Variants in PRICKLE2 observed in about 807,000 individuals in gnomAD.
The protein encoded by PRICKLE2 is prickle-like protein 2.
Under a neutral mutation model 81.4 loss-of-function variants are expected in PRICKLE2, and 21 were observed. The observed-to-expected ratio is 0.26, with a 90% CI of 0.18 to 0.37. The LOEUF (loss-of-function observed/expected upper bound fraction) is 0.37, where lower values mean the gene tolerates loss of function less well. Ranked by LOEUF, PRICKLE2 falls within the 10% of genes least tolerant of loss-of-function variation. The probability of loss-of-function intolerance (pLI) is 1.00; values close to 1 mark genes in which losing one functional copy is unlikely to be tolerated. For synonymous variants in PRICKLE2, 456 were observed against 421.5 expected, an observed-to-expected ratio of 1.08 and a Z score of -1.00; for missense variants, 940 against 1,109.0, an observed-to-expected ratio of 0.85 and a Z score of 2.16.
At position 64,096,629 on chromosome 3, in the gene PRICKLE2, C is replaced by G. The variant is rs1387485050; in HGVS notation, c.*2422G>C. ...CTTGTATGTCATTTCATCTCAAGCTCTGAGCAGTTCAGTGCCTGGATGCTC... is the reference window on the plus strand; with the variant it reads ...CTTGTATGTCATTTCATCTCAAGCTGTGAGCAGTTCAGTGCCTGGATGCTC... On this transcript the variant is annotated 3_prime_UTR_variant, in exon 8 of 8. Coordinates refer to ENST00000638394, the MANE Select transcript of PRICKLE2 (RefSeq NM_198859.4). 1.3e-5 allele frequency: 2 copies of G among 152,238 alleles called. No homozygotes were observed. The highest frequency in any genetic ancestry group is 2.9e-5 in the Non-Finnish European group (2 of 68,038). 9.4% of individuals were successfully genotyped at this position (152,238 alleles called of 1,614,324 possible).
At chr3:64,124,080 G>A (rs1408637296) in intron 7 of PRICKLE2, among the ~76,000 whole-genome samples, 1 of 152,156 alleles carries the variant, frequency 6.6e-6, no homozygotes, top group Non-Finnish European at 1.5e-5. Flanking sequence ...AATTTAAAGG[G>A]ATACTCCAAC....
At chr3:64,240,570 G>A (rs945895952) in intron 2 of PRICKLE2, among the ~76,000 whole-genome samples, 5 of 152,020 alleles carry the variant, frequency 3.3e-5, no homozygotes, top group African/African-American at 4.8e-5. Flanking sequence ...GGTCCCATGG[G>A]GCCTACAGAA....
intron 2 of PRICKLE2, among the ~76,000 whole-genome samples, chr3:64,266,831 A>C (rs2107195007): frequency 6.6e-6 from 1 of 152,296 alleles, no homozygotes; most frequent in South Asian, 2.1e-4. Context: ...CAGCAAAATA[A>C]GGGCTTCTAG....
intron 2 of PRICKLE2, among the ~76,000 whole-genome samples, chr3:64,234,729 T>TA (rs1199194967): frequency 1.3e-5 from 2 of 152,222 alleles, no homozygotes; most frequent in Admixed American, 6.5e-5. Context: ...AGCATTCTTC[T>TA]AGGTCTCTGC....
At chr3:64,218,063 T>C (rs1157510050) in intron 1 of PRICKLE2, among the ~76,000 whole-genome samples, 1 of 152,182 alleles carries the variant, frequency 6.6e-6, no homozygotes, top group Non-Finnish European at 1.5e-5. Context: ...AAAGTATCTG[T>C]CATACTGTAC....
At chr3:64,171,504 ACAAATGAT>A (rs2077930996) in intron 2 of PRICKLE2, among the ~76,000 whole-genome samples, 1 of 152,192 alleles carries the variant, frequency 6.6e-6, no homozygotes, top group Admixed American at 6.5e-5. Context: ...TCAGTTGTTG[ACAAATGAT>A]CTATTTGTTT....
Position 64,099,100 on chromosome 3 carries a change from T to C in PRICKLE2, c.2486A>G (p.Gln829Arg), listed in dbSNP as rs1174728731. The C allele has an allele frequency of 3.1e-6, 5 of 1,614,114 alleles. No homozygotes were observed. Among genetic ancestry groups the C allele is most frequent in the Non-Finnish European group, 4.2e-6 (5 of 1,180,038 alleles). The change falls in exon 8 of 8, where the codon CAG becomes CGG. Residue 829 changes from glutamine (Q) to arginine (R), a missense_variant. This residue lies in a region of PRICKLE2 where 670 missense variants were observed against 717.2 expected (regional missense o/e 0.93). Transcript: ENST00000638394. This position sits in a 1 kb window ranked among gnomAD's most constrained non-coding sequence, Gnocchi z 4.3. ...CTTCTGTCTTTTCCTGCTGTGCAAC[T>C]GTCCTCTGCCACCTAATGTGGAAGA... ...PKSSTLGGRGQLHSRKRQKSK... is the reference protein window; with the variant it reads ...PKSSTLGGRGRLHSRKRQKSK...
intron 1 of PRICKLE2, among the ~76,000 whole-genome samples, chr3:64,205,370 T>G (rs1052228838): frequency 2.0e-5 from 3 of 152,174 alleles, no homozygotes; most frequent in African/African-American, 2.4e-5. Context: ...GGAGACCCTC[T>G]CTTTAACTAT....
chr3:64,260,599 T>C (rs1008048813), intron 2 of PRICKLE2, among the ~76,000 whole-genome samples: 2 of 152,216 alleles, frequency 1.3e-5, no homozygotes, highest in Admixed American at 1.3e-4. Context: ...CCATGGCTTA[T>C]GGGTTTTCAG....
chr3:64,266,266 C>T (rs138360004), intron 2 of PRICKLE2, among the ~76,000 whole-genome samples: 8 of 151,964 alleles, frequency 5.3e-5, no homozygotes, highest in East Asian at 3.9e-4. Flanking sequence ...AGAAGAAGAA[C>T]GGTTTTCTGG....
At chr3:64,258,779 A>G (rs4993330) in intron 2 of PRICKLE2, among the ~76,000 whole-genome samples, 28 of 64,564 alleles carry the variant, frequency 4.3e-4, no homozygotes, top group Admixed American at 1.4e-3. Context: ...AGCCGAGATC[A>G]TGCCACTGCA....
chr3:64,101,915 C>A lies in PRICKLE2; in HGVS notation c.1661-1990G>T, dbSNP rs564257341. The A allele has an allele frequency of 3.3e-5, 5 of 152,336 alleles. 1 individual carries two copies. The South Asian group carries it at 1.0e-3, about 32-fold the overall frequency. 9.4% of individuals were successfully genotyped at this position (152,336 alleles called of 1,614,324 possible). On this transcript the variant is annotated intron_variant, in intron 7 of 7. Transcript: ENST00000638394. ...ACTAAACAAAGGTAAAATCAGACAA[C>A]ACCTTGACCTTAAGTTCAAACTTAA...
At chr3:64,236,241 A>C (rs1047464969) in intron 2 of PRICKLE2, among the ~76,000 whole-genome samples, 6 of 152,138 alleles carry the variant, frequency 3.9e-5, no homozygotes, top group African/African-American at 1.4e-4. Flanking sequence ...ATGCTGCTTT[A>C]TGTCAGTTTT....
chr3:64,157,279 T>C lies in PRICKLE2; in HGVS notation c.483A>G (p.Val161=), dbSNP rs771805969. 8 of 1,614,070 alleles carry C rather than the reference T, an allele frequency of 5.0e-6. No homozygotes were observed. Among genetic ancestry groups the C allele is most frequent in the African/African-American group, 1.3e-5 (1 of 74,934 alleles). ...HGVCWHPPCF[V]CTVCNELLVD... ...CCAGGAGCTCATTGCAGACAGTGCATACGAAGCACGGCGGGTGCCAGCAAA... is the reference window on the plus strand; with the variant it reads ...CCAGGAGCTCATTGCAGACAGTGCACACGAAGCACGGCGGGTGCCAGCAAA... Residue 161 remains valine (V), a synonymous_variant, in exon 5 of 8, where the codon GTA becomes GTG. Transcript: ENST00000638394.
intron 7 of PRICKLE2, among the ~76,000 whole-genome samples, chr3:64,136,680 C>T (rs1413910780): frequency 6.6e-6 from 1 of 151,894 alleles, no homozygotes; most frequent in Non-Finnish European, 1.5e-5. Flanking sequence ...GCAGAATCAC[C>T]CATAAGTCTC....
intron 2 of PRICKLE2, among the ~76,000 whole-genome samples, chr3:64,254,702 C>G (rs1469529180): frequency 1.3e-5 from 2 of 152,210 alleles, no homozygotes; most frequent in Non-Finnish European, 2.9e-5. Context: ...TCCCTCCTCT[C>G]AAGTCAAAAT....
intron 2 of PRICKLE2, among the ~76,000 whole-genome samples, chr3:64,254,844 G>T (rs1250239773): frequency 1.3e-5 from 2 of 152,160 alleles, no homozygotes; most frequent in Non-Finnish European, 2.9e-5. Context: ...CCAACTACCT[G>T]GGTTTACCAC....
chr3:64,117,765 G>T (rs900562532), intron 7 of PRICKLE2, among the ~76,000 whole-genome samples: 12 of 152,088 alleles, frequency 7.9e-5, no homozygotes, highest in African/African-American at 2.9e-4. Flanking sequence ...TCATGAAAAT[G>T]GCCATACTGC....
intron 7 of PRICKLE2, among the ~76,000 whole-genome samples, chr3:64,114,764 G>C (rs998322543): frequency 2.0e-5 from 3 of 152,106 alleles, no homozygotes; most frequent in African/African-American, 7.2e-5. Context: ...GTCCTTGAAA[G>C]AGATGGGGAG....
Sources: allele counts gnomAD v4.1 joint callset (sites outside exome capture counted in the v4.1 genomes callset), GRCh38; gene constraint gnomAD v4.1.1; regional missense constraint gnomAD v4.1.1; non-coding constraint Gnocchi (gnomAD v3.1); transcripts MANE v1.5; gene names NCBI Gene and HGNC (gene_info 2026-07-23, HGNC 2026-07-21).